The following TMEM178B variants were observed in gnomAD, a reference collection of about 807,000 sequenced individuals.
TMEM178B encodes the protein transmembrane protein 178B.
A neutral mutation model predicts 31.0 loss-of-function variants in TMEM178B; 5 were observed. The ratio of observed to expected loss-of-function variants is 0.16; its 90% confidence interval spans 0.08 to 0.34. TMEM178B has a LOEUF of 0.34. Ranked by LOEUF, TMEM178B falls within the 10% of genes least tolerant of loss-of-function variation. The pLI is 1.00. For missense variants in TMEM178B, 275 were observed against 400.3 expected, an observed-to-expected ratio of 0.69 and a Z score of 2.67; for synonymous variants, 164 against 164.0, an observed-to-expected ratio of 1.00 and a Z score of 0.00.
At chr7:141,385,977 A>G (rs1490042900) in intron 2 of TMEM178B, among the ~76,000 whole-genome samples, 2 of 152,338 alleles carry the variant, frequency 1.3e-5, no homozygotes, top group Non-Finnish European at 1.5e-5. Context: ...AACTCATTAA[A>G]TCACACAAAG....
chr7:141,155,314 G>A (rs1030707504), intron 1 of TMEM178B, among the ~76,000 whole-genome samples: 5 of 152,194 alleles, frequency 3.3e-5, no homozygotes, highest in African/African-American at 1.2e-4. Flanking sequence ...CCAAGGATCT[G>A]GGTAGGAGCT....
At chr7:141,335,565 A>G (rs987748994) in intron 2 of TMEM178B, among the ~76,000 whole-genome samples, 7 of 152,184 alleles carry the variant, frequency 4.6e-5, no homozygotes, top group African/African-American at 1.7e-4. Context: ...CCCCCAGCTC[A>G]TGAGAAGTTT....
At chr7:141,172,012 C>T (rs1485886154) in intron 1 of TMEM178B, among the ~76,000 whole-genome samples, 1 of 152,124 alleles carries the variant, frequency 6.6e-6, no homozygotes, top group Non-Finnish European at 1.5e-5. Flanking sequence ...AGACAGGCAC[C>T]GTAGTAGGTG....
intron 1 of TMEM178B, among the ~76,000 whole-genome samples, chr7:141,206,029 A>C (rs1796956747): frequency 6.6e-6 from 1 of 152,240 alleles, no homozygotes; most frequent in Non-Finnish European, 1.5e-5. Flanking sequence ...TTATAGCATG[A>C]TGCAAACATT....
intron 1 of TMEM178B, among the ~76,000 whole-genome samples, chr7:141,203,197 C>G (rs1236767820): frequency 1.3e-5 from 2 of 152,186 alleles, no homozygotes; most frequent in East Asian, 3.8e-4. Context: ...GAAGCCTGAG[C>G]CTTAAATCTC....
At chr7:141,438,872 T>G in intron 3 of TMEM178B, among the ~76,000 whole-genome samples, 1 of 56,810 alleles carries the variant, frequency 1.8e-5, no homozygotes, top group Non-Finnish European at 5.2e-5. Context: ...CAAGATTCCG[T>G]CTCAAAAAAA....
At chr7:141,193,315 C>T (rs917926943) in intron 1 of TMEM178B, among the ~76,000 whole-genome samples, 5 of 152,248 alleles carry the variant, frequency 3.3e-5, no homozygotes, top group Non-Finnish European at 7.3e-5. Context: ...AGCTGTCTGT[C>T]TTATCTCTCT....
intron 2 of TMEM178B, among the ~76,000 whole-genome samples, chr7:141,397,585 G>A (rs17162200): frequency 0.074 from 11,277 of 152,182 alleles, 514 homozygotes; most frequent in Admixed American, 0.1. Context: ...GTAAATACCC[G>A]TCAGCCCATT....
At chr7:141,296,619 T>A (rs1325651310) in intron 2 of TMEM178B, among the ~76,000 whole-genome samples, 1 of 152,184 alleles carries the variant, frequency 6.6e-6, no homozygotes, top group African/African-American at 2.4e-5. Flanking sequence ...TCTGGCAGAC[T>A]TCTTTTAAAA....
intron 1 of TMEM178B, among the ~76,000 whole-genome samples, chr7:141,149,184 A>G (rs1282425104): frequency 1.3e-5 from 2 of 152,192 alleles, no homozygotes; most frequent in African/African-American, 4.8e-5. Flanking sequence ...GTTGGACTAG[A>G]TTTCAGTAGA....
chr7:141,180,278 C>T (rs1796499653), intron 1 of TMEM178B, among the ~76,000 whole-genome samples: 1 of 151,800 alleles, frequency 6.6e-6, no homozygotes, highest in African/African-American at 2.4e-5. Flanking sequence ...AGTTTGAGAC[C>T]AGCCTGGTCA....
intron 1 of TMEM178B, among the ~76,000 whole-genome samples, chr7:141,105,537 A>G (rs1029732142): frequency 3.9e-5 from 6 of 152,104 alleles, no homozygotes; most frequent in African/African-American, 1.4e-4. Context: ...CACAAAAAAC[A>G]TATTTCTTTT....
chr7:141,495,066 A>C, the TMEM178B span, among the ~76,000 whole-genome samples: 1 of 152,220 alleles, frequency 6.6e-6, no homozygotes, highest in Non-Finnish European at 1.5e-5. Flanking sequence ...TGTTTTCCTC[A>C]TACATCTTTC....
intron 2 of TMEM178B, among the ~76,000 whole-genome samples, chr7:141,282,712 T>C (rs551852298): frequency 6.6e-6 from 1 of 152,352 alleles, no homozygotes; most frequent in African/African-American, 2.4e-5. Flanking sequence ...AATTCAAACA[T>C]ACTTGTGAAT....
At chr7:141,453,925 A>AT (rs1378223236) in intron 3 of TMEM178B, among the ~76,000 whole-genome samples, 1 of 151,634 alleles carries the variant, frequency 6.6e-6, no homozygotes, top group Non-Finnish European at 1.5e-5. Context: ...TTATCTAAAA[A>AT]AAAAAAGCTT....
Position 141,475,870 on chromosome 7 carries a change from A to G in TMEM178B, c.*5084A>G, listed in dbSNP as rs1216541795. On this transcript the variant is annotated 3_prime_UTR_variant, in exon 4 of 4. Coordinates refer to ENST00000565468, the MANE Select transcript of TMEM178B (RefSeq NM_001195278.2). ...GCCAGAGTAACTCACTCATTAAGCT[A>G]CACTTGTGTAACAGTTACTGTAAAT... 6.6e-6 allele frequency: 1 copy of G among 151,928 alleles called. No homozygotes were observed. Among genetic ancestry groups the G allele is most frequent in the Non-Finnish European group, 1.5e-5 (1 of 68,006 alleles). 9.4% of individuals were successfully genotyped at this position (151,928 alleles called of 1,614,324 possible). A position where few individuals can be genotyped will look rare whatever the true frequency, so the allele number is the denominator to read the frequency against.
chr7:141,264,543 A>G (rs1416219016), intron 2 of TMEM178B, among the ~76,000 whole-genome samples: 1 of 152,234 alleles, frequency 6.6e-6, no homozygotes, highest in East Asian at 1.9e-4. Context: ...GGGATCCGCT[A>G]TGAAGAAGTG....
intron 2 of TMEM178B, among the ~76,000 whole-genome samples, chr7:141,424,090 T>A (rs1801269828): frequency 6.6e-6 from 1 of 152,080 alleles, no homozygotes; most frequent in Admixed American, 6.5e-5. Context: ...AATGCTGGGA[T>A]TACAGGTGTG....
intron 1 of TMEM178B, among the ~76,000 whole-genome samples, chr7:141,204,679 A>G (rs1586824540): frequency 6.6e-6 from 1 of 152,218 alleles, no homozygotes; most frequent in African/African-American, 2.4e-5. Flanking sequence ...AGAGAGCAGC[A>G]GATACTTGGA....
Sources: gnomAD v4.1 joint callset for allele counts (sites outside exome capture counted in the v4.1 genomes callset) on GRCh38, gnomAD v4.1.1 for gene constraint, MANE v1.5 for transcripts, NCBI Gene and HGNC (gene_info 2026-07-23, HGNC 2026-07-21) for gene names.